The following MUC7 variants were observed in gnomAD, a reference collection of about 807,000 sequenced individuals.
The protein encoded by MUC7 is mucin-7.
Under a neutral mutation model 2.5 loss-of-function variants are expected in MUC7, and 2 were observed. That is an observed-to-expected ratio of 0.81 (90% CI 0.33 to 2.55). The LOEUF (loss-of-function observed/expected upper bound fraction) is 2.55, where lower values mean the gene tolerates loss of function less well. Ranked by LOEUF, MUC7 falls within the 30% of genes most tolerant of loss-of-function variation. The pLI is 0.11. For missense variants in MUC7, 408 were observed against 455.6 expected (o/e 0.90, Z 0.95); for synonymous variants, 133 against 173.4 (o/e 0.77, Z 1.83).
chr4:70,458,760 C>A (rs748343043), intron 1 of MUC7, among the ~76,000 whole-genome samples: 1 of 151,862 alleles, frequency 6.6e-6, no homozygotes, highest in Non-Finnish European at 1.5e-5. Context: ...AACAAAAATT[C>A]TCAGATTATT....
At chr4:70,441,551 TTCTG>T (rs904894203) in intron 1 of MUC7, among the ~76,000 whole-genome samples, 4 of 152,222 alleles carry the variant, frequency 2.6e-5, no homozygotes, top group African/African-American at 7.2e-5. Context: ...ATGGTGAATA[TTCTG>T]TCTTTCTCTC....
chr4:70,472,760 T>G (rs978340331), intron 1 of MUC7, among the ~76,000 whole-genome samples: 3 of 152,194 alleles, frequency 2.0e-5, no homozygotes, highest in African/African-American at 7.2e-5. Flanking sequence ...GGGCAGAGCT[T>G]AAATCAAGTC....
Position 70,481,130 on chromosome 4 carries a change from T to G in MUC7, c.386T>G (p.Val129Gly), listed in dbSNP as rs1735158113. ...ASTKITTLPN[V>G]TFLPQNATTI... is the part of the protein sequence containing the mutation. ...ACCAAAATTACTACCCTTCCAAATG[T>G]GACTTTTCTTCCCCAGAATGCCACC... The change falls in exon 3 of 3, where the codon GTG becomes GGG. Residue 129 changes from valine (V) to glycine (G), a missense_variant. By Grantham distance (109) the Val-to-Gly change is moderately radical. Around this residue, in one of 3 missense-constraint regions of MUC7, gnomAD observed 225 missense variants for 240.5 expected, o/e 0.94. Transcript: ENST00000304887. 3.1e-6 allele frequency: 5 copies of G among 1,614,044 alleles called. No individual in the cohort carries two copies. The highest frequency in any genetic ancestry group is 4.2e-6 in the Non-Finnish European group (5 of 1,180,040).
intron 1 of MUC7, among the ~76,000 whole-genome samples, chr4:70,433,584 A>G (rs1298043625): frequency 2.0e-5 from 3 of 152,228 alleles, no homozygotes; most frequent in Admixed American, 6.5e-5. Flanking sequence ...TTGTATCCTG[A>G]GAACTTGCTG....
At chr4:70,443,807 T>G (rs1169351066) in intron 1 of MUC7, among the ~76,000 whole-genome samples, 1 of 152,102 alleles carries the variant, frequency 6.6e-6, no homozygotes, top group Non-Finnish European at 1.5e-5. Context: ...AAAAAAAACT[T>G]GGCAAACCAA....
At chr4:70,440,407 T>A (rs1248279499) in intron 1 of MUC7, among the ~76,000 whole-genome samples, 2 of 152,182 alleles carry the variant, frequency 1.3e-5, no homozygotes, top group Admixed American at 1.3e-4. Flanking sequence ...AGCACATGCA[T>A]CATATCTGTC....
At chr4:70,455,928 C>A (rs1019573570) in intron 1 of MUC7, among the ~76,000 whole-genome samples, 1 of 152,136 alleles carries the variant, frequency 6.6e-6, no homozygotes. Context: ...AGTACTCTTA[C>A]CCCATGTAAT....
chr4:70,439,790 A>G (rs1185144075), intron 1 of MUC7, among the ~76,000 whole-genome samples: 1 of 152,098 alleles, frequency 6.6e-6, no homozygotes, highest in Non-Finnish European at 1.5e-5. Flanking sequence ...TGTTAATCAC[A>G]CATGCTAATT....
Position 70,458,046 on chromosome 4 carries a change from G to A in MUC7, c.-92-14169G>A, listed in dbSNP as rs183327572. On this transcript the variant is annotated intron_variant, in intron 1 of 3. Transcript: ENST00000413702. ...TTAGCATGAGGGAAAAAAAAGTAGC[G>A]ATTAATCTCTCCGATGAATATAGAT... 4.6e-3 allele frequency among the ~76,000 whole-genome samples: 699 copies of A among 152,002 alleles called. 7 individuals are homozygous for A. The highest frequency in any genetic ancestry group is 0.016 in the African/African-American group (675 of 41,500).
intron 1 of MUC7, among the ~76,000 whole-genome samples, chr4:70,457,094 G>A (rs1322811602): frequency 6.6e-6 from 1 of 152,204 alleles, no homozygotes; most frequent in East Asian, 1.9e-4. Flanking sequence ...GAATGGGGAT[G>A]GGGCAGGGGA....
intron 1 of MUC7, among the ~76,000 whole-genome samples, chr4:70,442,450 C>T (rs1189405044): frequency 2.0e-5 from 3 of 152,200 alleles, no homozygotes; most frequent in East Asian, 1.9e-4. Context: ...CTCCCCACCA[C>T]CCCAACAGTG....
At position 70,466,868 on chromosome 4, in the gene MUC7, A is replaced by C. The variant is rs1285319813; in HGVS notation, c.-92-5347A>C. Among the ~76,000 whole-genome samples the C allele has an allele frequency of 2.0e-5, 3 of 152,244 alleles. No homozygotes were observed. In the East Asian group the frequency reaches 5.8e-4, roughly 29 times the overall value. On this transcript the variant is annotated intron_variant, in intron 1 of 3. Coordinates refer to the MUC7 transcript ENST00000413702. ...GATCAACAGAGACAGAAAATTAACA[A>C]GGATATTCAGGACTTGAACTCAACT...
At chr4:70,432,200 A>G (rs934946858) in intron 1 of MUC7, among the ~76,000 whole-genome samples, 4 of 152,358 alleles carry the variant, frequency 2.6e-5, no homozygotes, top group East Asian at 1.9e-4. Flanking sequence ...TAGCGCCACA[A>G]TAAGCATACC....
At chr4:70,476,777 A>G (rs1299217997) in intron 2 of MUC7, among the ~76,000 whole-genome samples, 1 of 152,112 alleles carries the variant, frequency 6.6e-6, no homozygotes, top group East Asian at 1.9e-4. Flanking sequence ...ACAGAGCGAG[A>G]CTCCGTCTCA....
intron 1 of MUC7, among the ~76,000 whole-genome samples, chr4:70,455,302 C>T (rs1302189479): frequency 1.3e-5 from 2 of 152,164 alleles, no homozygotes; most frequent in Non-Finnish European, 2.9e-5. Context: ...TAAAAAGCTT[C>T]ATTAGGCTCA....
chr4:70,440,279 T>C (rs1450207563), intron 1 of MUC7, among the ~76,000 whole-genome samples: 9 of 152,336 alleles, frequency 5.9e-5, no homozygotes, highest in Admixed American at 5.2e-4. Flanking sequence ...TTAATTTTTT[T>C]GTTTTGATTT....
intron 1 of MUC7, among the ~76,000 whole-genome samples, chr4:70,437,616 G>T (rs1026652995): frequency 6.6e-6 from 1 of 152,152 alleles, no homozygotes; most frequent in Admixed American, 6.5e-5. Context: ...GTTCCTCCAG[G>T]TATAGTCACT....
At chr4:70,448,349 T>A (rs1191592651) in intron 1 of MUC7, among the ~76,000 whole-genome samples, 1 of 152,218 alleles carries the variant, frequency 6.6e-6, no homozygotes, top group Non-Finnish European at 1.5e-5. Flanking sequence ...TTCAGTCATT[T>A]GAGGGACCTC....
chr4:70,449,697 C>T (rs1167036753), intron 1 of MUC7, among the ~76,000 whole-genome samples: 1 of 152,174 alleles, frequency 6.6e-6, no homozygotes, highest in East Asian at 1.9e-4. Context: ...TTCCTGTGGG[C>T]TCATAGAGGT....
Sources: gnomAD v4.1 joint callset for allele counts (sites outside exome capture counted in the v4.1 genomes callset) on GRCh38, gnomAD v4.1.1 for gene constraint, gnomAD v4.1.1 regional missense constraint, MANE v1.5 for transcripts, NCBI Gene and HGNC (gene_info 2026-07-23, HGNC 2026-07-21) for gene names.